The following NINJ2 variants were observed in gnomAD, a reference collection of about 807,000 sequenced individuals.
The protein encoded by NINJ2 is ninjurin-2.
Under a neutral mutation model 11.7 loss-of-function variants are expected in NINJ2, and 12 were observed. The observed-to-expected ratio is 1.02, with a 90% confidence interval of 0.66 to 1.66. The LOEUF is 1.66. Among genes scored for constraint, NINJ2 ranks in the 40% most tolerant of loss-of-function variants. The probability of loss-of-function intolerance (pLI) is 0.00; values close to 1 mark genes in which losing one functional copy is unlikely to be tolerated. For synonymous variants in NINJ2, 93 were observed against 76.8 expected (o/e 1.21, Z -1.10); for missense variants, 187 against 181.8 (o/e 1.03, Z -0.16).
Position 633,237 on chromosome 12 carries a change from C to T in NINJ2, c.33+30091G>A, listed in dbSNP as rs941717282. Among the ~76,000 whole-genome samples the T allele has an allele frequency of 2.6e-5, 4 of 152,090 alleles. No homozygotes were observed. Among genetic ancestry groups the T allele is most frequent in the Non-Finnish European group, 5.9e-5 (4 of 68,026 alleles). The stretch of plus-strand genomic sequence containing the variant: ...ACAAGGCCGGGCGCGGTGGCTCACA[C>T]CTGTAATCCTAGCTCTTTGGGAGGC... On this transcript the variant is annotated intron_variant, in intron 1 of 3. Transcript: ENST00000305108. The surrounding 1 kb of genome is among the most constrained non-coding windows in gnomAD (Gnocchi z 4.3).
rs566221246 is a variant in NINJ2, at chr12:591,923, C to A, written c.34-25745G>T. Reference sequence around the variant, plus strand: ...TTTTGAGCAAACAGAGGCCCCCAGGCGTTTTTCCCGGGTCACTCCCTTTGC... The same window carrying A: ...TTTTGAGCAAACAGAGGCCCCCAGGAGTTTTTCCCGGGTCACTCCCTTTGC... On this transcript the variant is annotated intron_variant, in intron 1 of 3. Transcript: ENST00000305108. This position sits in a 1 kb window ranked among gnomAD's most constrained non-coding sequence, Gnocchi z 5.0. 6.6e-6 allele frequency among the ~76,000 whole-genome samples: 1 copy of A among 152,110 alleles called. No homozygotes were observed. The highest frequency in any genetic ancestry group is 1.5e-5 in the Non-Finnish European group (1 of 68,030).
chr12:649,032 A>C (rs112757857), intron 1 of NINJ2, among the ~76,000 whole-genome samples: 1 of 149,302 alleles, frequency 6.7e-6, no homozygotes, highest in African/African-American at 2.5e-5. Flanking sequence ...CTATCTATCT[A>C]TCTCAAGTGA....
intron 1 of NINJ2, among the ~76,000 whole-genome samples, chr12:656,515 T>TG (rs1937875073): frequency 6.6e-6 from 1 of 150,524 alleles, no homozygotes; most frequent in African/African-American, 2.5e-5. Flanking sequence ...CTTTGGGAGG[T>TG]AGGGTCTGGT....
intron 1 of NINJ2, among the ~76,000 whole-genome samples, chr12:626,234 C>A (rs1248112861): frequency 6.6e-6 from 1 of 152,228 alleles, no homozygotes; most frequent in African/African-American, 2.4e-5. Flanking sequence ...TCCTAATGGG[C>A]CTGTGTCCAC....
chr12:566,179 C>G lies in NINJ2; in HGVS notation c.34-1G>C, dbSNP rs1409376787. ...GGCTCCTGGGGTCGGAGCTTCCAGG[C>G]TGTAGGGGAGAAAGCACAGACTTAC... is the stretch of plus-strand genomic sequence containing the variant. On this transcript the variant is annotated splice_acceptor_variant, in intron 1 of 3. Transcript: ENST00000305108. LOFTEE classifies it high-confidence loss of function. 1 of 1,612,074 alleles carries G rather than the reference C, an allele frequency of 6.2e-7. No individual in the cohort carries two copies. The highest frequency in any genetic ancestry group is 2.2e-5 in the East Asian group (1 of 44,836).
chr12:659,563 G>C (rs1055752098), intron 1 of NINJ2, among the ~76,000 whole-genome samples: 1 of 152,154 alleles, frequency 6.6e-6, no homozygotes, highest in Admixed American at 6.5e-5. Context: ...AGGCTTGGAG[G>C]CCACAGCCAC....
chr12:601,348 C>A (rs185905786), intron 1 of NINJ2, among the ~76,000 whole-genome samples: 34 of 147,354 alleles, frequency 2.3e-4, no homozygotes, highest in African/African-American at 8.6e-4. Flanking sequence ...AGATCGAGAC[C>A]ATCCTGGCTA....
intron 1 of NINJ2, among the ~76,000 whole-genome samples, chr12:602,524 TC>T (rs1318378852): frequency 2.0e-5 from 3 of 152,268 alleles, no homozygotes; most frequent in Non-Finnish European, 2.9e-5. Flanking sequence ...TATACATTCC[TC>T]AGCTGATAGG....
chr12:615,684 C>G (rs914592998), intron 1 of NINJ2, among the ~76,000 whole-genome samples: 4 of 152,230 alleles, frequency 2.6e-5, no homozygotes, highest in Non-Finnish European at 5.9e-5. Flanking sequence ...AAATTTATCC[C>G]TCTTTCTCAG....
chr12:614,764 C>T lies in NINJ2; in HGVS notation c.33+48564G>A, dbSNP rs1413172054. ...CTGCCTGTTTTTTGAGCTGTGTTTG[C>T]ACCCAGAGCTGAGTGTCTGTCTAGC... On this transcript the variant is annotated intron_variant, in intron 1 of 3. Coordinates refer to ENST00000305108, the MANE Select transcript of NINJ2 (RefSeq NM_016533.6). The surrounding 1 kb of genome is among the most constrained non-coding windows in gnomAD (Gnocchi z 5.1). 6.6e-6 allele frequency among the ~76,000 whole-genome samples: 1 copy of T among 152,160 alleles called. No individual in the cohort carries two copies. Among genetic ancestry groups the T allele is most frequent in the Admixed American group, 6.6e-5 (1 of 15,266 alleles).
intron 1 of NINJ2, among the ~76,000 whole-genome samples, chr12:569,492 G>T (rs2535412): frequency 2.6e-5 from 4 of 152,054 alleles, no homozygotes; most frequent in Non-Finnish European, 5.9e-5. Flanking sequence ...TCCAGTTTGT[G>T]CAGTAGCAGC....
intron 1 of NINJ2, among the ~76,000 whole-genome samples, chr12:654,059 G>A (rs1400165423): frequency 6.6e-6 from 1 of 152,182 alleles, no homozygotes; most frequent in African/African-American, 2.4e-5. Flanking sequence ...GCTGGGTGTG[G>A]TGGTTTGTGC....
At chr12:587,656 A>T (rs1338301887) in intron 1 of NINJ2, among the ~76,000 whole-genome samples, 1 of 151,432 alleles carries the variant, frequency 6.6e-6, no homozygotes, top group Admixed American at 6.6e-5. Flanking sequence ...CCCAGCGCTG[A>T]GCCATTCTTC....
intron 1 of NINJ2, among the ~76,000 whole-genome samples, chr12:612,542 C>T (rs1948047465): frequency 6.6e-6 from 1 of 152,082 alleles, no homozygotes. Flanking sequence ...CCAAGATGCA[C>T]CAGGAGAAGC....
At chr12:617,656 A>G (rs912071761) in intron 1 of NINJ2, among the ~76,000 whole-genome samples, 1 of 151,958 alleles carries the variant, frequency 6.6e-6, no homozygotes, top group African/African-American at 2.4e-5. Flanking sequence ...CTGGCTGAGC[A>G]CTCCCAGCTG....
rs946648284 is a variant in NINJ2, at chr12:581,693, T to C, written c.34-15515A>G. Among the ~76,000 whole-genome samples the C allele has an allele frequency of 3.3e-5, 5 of 152,182 alleles. No individual in the cohort carries two copies. Among genetic ancestry groups the C allele is most frequent in the African/African-American group, 9.6e-5 (4 of 41,452 alleles). ...GGGCCGGCAAGTGGGTGCAGGGATC[T>C]GATCCCACTGCTGACCATCCAACTC... On this transcript the variant is annotated intron_variant, in intron 1 of 3. Coordinates refer to ENST00000305108, the MANE Select transcript of NINJ2 (RefSeq NM_016533.6). This position sits in a 1 kb window ranked among gnomAD's most constrained non-coding sequence, Gnocchi z 4.9.
rs575586605 is a variant in NINJ2 at position 565,878 on chromosome 12, G to A, written c.262+72C>T. 9 of 1,326,276 alleles carry A rather than the reference G, an allele frequency of 6.8e-6. No individual in the cohort carries two copies. The East Asian group carries it at 1.9e-4, about 27-fold the overall frequency. 82.2% of individuals were successfully genotyped at this position (1,326,276 alleles called of 1,614,324 possible). A position where few individuals can be genotyped will look rare whatever the true frequency, so the allele number is the denominator to read the frequency against. On this transcript the variant is annotated intron_variant, in intron 2 of 3. Transcript: ENST00000305108. The stretch of plus-strand genomic sequence containing the variant: ...CCTGTGCCAATGCAGGGTGGCCCAG[G>A]GGACACGTGGGGCCTTTCTGCCAGC...
At chr12:642,451 G>A (rs1948430903) in intron 1 of NINJ2, among the ~76,000 whole-genome samples, 1 of 152,080 alleles carries the variant, frequency 6.6e-6, no homozygotes, top group Non-Finnish European at 1.5e-5. Flanking sequence ...GGATGGTCTT[G>A]AACTCCTGAC....
At chr12:613,307 G>T (rs563088174) in intron 1 of NINJ2, among the ~76,000 whole-genome samples, 1 of 152,074 alleles carries the variant, frequency 6.6e-6, no homozygotes, top group Non-Finnish European at 1.5e-5. Flanking sequence ...ATCTCATCAC[G>T]CATTTTAAAT....
Sources: gnomAD v4.1 joint callset for allele counts (sites outside exome capture counted in the v4.1 genomes callset) on GRCh38, gnomAD v4.1.1 for gene constraint, Gnocchi (gnomAD v3.1) non-coding constraint, MANE v1.5 for transcripts, NCBI Gene and HGNC (gene_info 2026-07-23, HGNC 2026-07-21) for gene names.